The following ADAMTSL1 variants were observed in gnomAD, a reference collection of about 807,000 sequenced individuals.
The protein encoded by ADAMTSL1 is ADAMTS like 1, also known as ADAMTS-like protein 1.
ADAMTSL1 carries 126 observed loss-of-function variants against 201.8 expected under a neutral mutation model. The observed-to-expected ratio is 0.62, with a 90% confidence interval of 0.54 to 0.72. The LOEUF (loss-of-function observed/expected upper bound fraction) is 0.72, where lower values mean the gene tolerates loss of function less well. ADAMTSL1 is among the 30% of genes least tolerant of loss of function. The pLI, the probability that ADAMTSL1 is intolerant of heterozygous loss-of-function variation, is 0.00. For synonymous variants in ADAMTSL1, 1,121 were observed against 903.4 expected (o/e 1.24, Z -4.32); for missense variants, 2,679 against 2,277.8 (o/e 1.18, Z -3.59).
At chr9:18,128,108 C>T (rs1002098277) in intron 1 of ADAMTSL1, among the ~76,000 whole-genome samples, 4 of 152,142 alleles carry the variant, frequency 2.6e-5, no homozygotes, top group Non-Finnish European at 4.4e-5. Context: ...TTGTGATATA[C>T]TGAGTCAGAA....
At chr9:18,425,479 C>A (rs1472630864) in intron 2 of ADAMTSL1, among the ~76,000 whole-genome samples, 4 of 152,126 alleles carry the variant, frequency 2.6e-5, no homozygotes, top group African/African-American at 4.8e-5. Context: ...GCTAAAATAT[C>A]CAAGAGCACT....
chr9:18,769,108 TG>T (rs1265235382), intron 16 of ADAMTSL1, among the ~76,000 whole-genome samples: 1 of 152,174 alleles, frequency 6.6e-6, no homozygotes, highest in Non-Finnish European at 1.5e-5. Flanking sequence ...TTGAGACCAC[TG>T]AGTAAGAAGG....
At chr9:18,495,452 A>T (rs764068126) in intron 1 of ADAMTSL1, among the ~76,000 whole-genome samples, 1 of 152,126 alleles carries the variant, frequency 6.6e-6, no homozygotes, top group South Asian at 2.1e-4. Context: ...TCTACCTTAC[A>T]TGGTTTCCTA....
At chr9:18,902,366 ATAATTCT>A (rs899208192) in intron 26 of ADAMTSL1, among the ~76,000 whole-genome samples, 9 of 152,222 alleles carry the variant, frequency 5.9e-5, no homozygotes, top group African/African-American at 1.9e-4. Flanking sequence ...ATGCCAAAAA[ATAATTCT>A]TAATACAGTT....
chr9:18,838,360 T>TACACACACACAC lies in ADAMTSL1; in HGVS notation c.4249+8414_4249+8425dup, dbSNP rs775337751. Among the ~76,000 whole-genome samples the TACACACACACAC allele has an allele frequency of 1.1e-3, 97 of 86,750 alleles. 1 individual carries two copies. Among genetic ancestry groups the TACACACACACAC allele is most frequent in the African/African-American group, 5.5e-3 (81 of 14,662 alleles). 56.9% of individuals were successfully genotyped at this position (86,750 alleles called of 152,430 possible). On this transcript the variant is annotated intron_variant, in intron 23 of 28. Transcript: ENST00000380548. ...GGGTGGGGACACAGCCAAACCATAT[T>TACACACACACAC]ACACACACACACACACACACACACA...
At chr9:18,541,146 T>C (rs567691073) in intron 3 of ADAMTSL1, among the ~76,000 whole-genome samples, 35 of 152,316 alleles carry the variant, frequency 2.3e-4, no homozygotes, top group Middle Eastern at 3.4e-3. Flanking sequence ...TACAACAAAA[T>C]TGGGAGCAGG....
chr9:18,753,656 G>C, intron 16 of ADAMTSL1, 148 bp downstream of exon 16: 2 of 885,698 alleles, frequency 2.3e-6, no homozygotes, highest in Non-Finnish European at 3.6e-6. Flanking sequence ...CCCCTAACCT[G>C]ATTTACATCC....
At chr9:18,565,568 G>GA (rs11339613) in intron 3 of ADAMTSL1, among the ~76,000 whole-genome samples, 4,435 of 106,584 alleles carry the variant, frequency 0.042, 128 homozygotes, top group African/African-American at 0.084. Context: ...TCCTAGTTAT[G>GA]AAAAAAAAAA....
intron 4 of ADAMTSL1, among the ~76,000 whole-genome samples, chr9:18,576,562 C>T (rs1156830616): frequency 1.3e-5 from 2 of 152,160 alleles, no homozygotes; most frequent in East Asian, 1.9e-4. Context: ...GAGTCCTGGA[C>T]TTTTTAGAGC....
intron 7 of ADAMTSL1, among the ~76,000 whole-genome samples, chr9:18,645,391 A>G (rs1827741263): frequency 6.6e-6 from 1 of 152,004 alleles, no homozygotes; most frequent in Non-Finnish European, 1.5e-5. Flanking sequence ...TCTTTAGTTT[A>G]ATTAGATCCC....
chr9:18,356,980 G>T (rs1303020444), intron 2 of ADAMTSL1, among the ~76,000 whole-genome samples: 1 of 152,090 alleles, frequency 6.6e-6, no homozygotes, highest in Non-Finnish European at 1.5e-5. Flanking sequence ...TCTTAGTAAT[G>T]TGTACATGGA....
intron 2 of ADAMTSL1, among the ~76,000 whole-genome samples, chr9:18,516,087 C>CAAAAAAAAAA (rs11418722): frequency 6.9e-5 from 9 of 131,106 alleles, no homozygotes; most frequent in African/African-American, 2.0e-4. Flanking sequence ...CCTCAACTAC[C>CAAAAAAAAAA]AAAAAAAAAA....
At chr9:18,540,255 A>G (rs1188642470) in intron 3 of ADAMTSL1, among the ~76,000 whole-genome samples, 3 of 152,252 alleles carry the variant, frequency 2.0e-5, no homozygotes, top group African/African-American at 7.2e-5. Context: ...AGCTTATATT[A>G]TAGTGTGAGA....
chr9:18,591,540 C>G, intron 4 of ADAMTSL1, among the ~76,000 whole-genome samples: 1 of 152,128 alleles, frequency 6.6e-6, no homozygotes, highest in East Asian at 1.9e-4. Flanking sequence ...TAAGTAAGGA[C>G]TTCTTATTGC....
intron 2 of ADAMTSL1, among the ~76,000 whole-genome samples, chr9:18,205,768 G>A (rs544804800): frequency 2.6e-5 from 4 of 151,988 alleles, no homozygotes; most frequent in Non-Finnish European, 5.9e-5. Flanking sequence ...TAAAAGCCAC[G>A]TACGGCCAGG....
chr9:18,029,961 A>G (rs956052585), intron 1 of ADAMTSL1, among the ~76,000 whole-genome samples: 1 of 151,690 alleles, frequency 6.6e-6, no homozygotes, highest in Non-Finnish European at 1.5e-5. Context: ...ACTGTAAACT[A>G]GTTCAACCAT....
chr9:18,511,030 C>T (rs999810411), intron 2 of ADAMTSL1, among the ~76,000 whole-genome samples: 7 of 152,060 alleles, frequency 4.6e-5, no homozygotes, highest in Admixed American at 3.9e-4. Flanking sequence ...ATGCATAAGA[C>T]AGTTAATATA....
chr9:18,738,960 G>T lies in ADAMTSL1; in HGVS notation c.2007-14338G>T, dbSNP rs146736369. Among the ~76,000 whole-genome samples the T allele has an allele frequency of 3.1e-3, 475 of 152,276 alleles. 4 individuals are homozygous for T. The highest frequency in any genetic ancestry group is 0.011 in the African/African-American group (452 of 41,544). ...CACCTGTACAAGCTAGAGGCTAGCA[G>T]GGAAAAACACAATTAAGAACTCTGG... On this transcript the variant is annotated intron_variant, in intron 15 of 28. Coordinates refer to ENST00000380548, the MANE Select transcript of ADAMTSL1 (RefSeq NM_001040272.6).
chr9:18,885,868 AC>A (rs1448172375), intron 23 of ADAMTSL1, among the ~76,000 whole-genome samples: 2 of 152,086 alleles, frequency 1.3e-5, no homozygotes, highest in African/African-American at 4.8e-5. Context: ...GGCCTGCCGC[AC>A]AATCTCAGGA....
Sources: allele counts gnomAD v4.1 joint callset (sites outside exome capture counted in the v4.1 genomes callset), GRCh38; gene constraint gnomAD v4.1.1; transcripts MANE v1.5; gene names NCBI Gene and HGNC (gene_info 2026-07-23, HGNC 2026-07-21).